The following PCDHGA5 variants were observed in gnomAD, a reference collection of about 807,000 sequenced individuals.
PCDHGA5 encodes protocadherin gamma subfamily A, 5.
In PCDHGA5, 36 loss-of-function variants were observed where a neutral mutation model predicts 56.7. The observed-to-expected ratio is 0.64, with a 90% CI of 0.49 to 0.84. The LOEUF (loss-of-function observed/expected upper bound fraction) is 0.84, where lower values mean the gene tolerates loss of function less well. Among genes scored for constraint, PCDHGA5 ranks in the 40% least tolerant of loss-of-function variants. The probability of loss-of-function intolerance (pLI) is 0.00; values close to 1 mark genes in which losing one functional copy is unlikely to be tolerated. For missense variants in PCDHGA5, 1,305 were observed against 1,201.5 expected, an observed-to-expected ratio of 1.09 and a Z score of -1.27; for synonymous variants, 563 against 520.2, an observed-to-expected ratio of 1.08 and a Z score of -1.12.
intron 1 of PCDHGA5, chr5:141,379,443 G>A (rs995348151): frequency 2.6e-5 from 4 of 152,168 alleles, no homozygotes; most frequent in African/African-American, 9.7e-5. Flanking sequence ...TTATACATAT[G>A]ATTATTTCAT....
chr5:141,373,528 A>C lies in PCDHGA5; in HGVS notation c.2421+6777A>C, dbSNP rs186719526. Among the ~76,000 whole-genome samples, 616 of 152,300 alleles carry C rather than the reference A, an allele frequency of 4.0e-3. 6 individuals are homozygous for C. The highest frequency in any genetic ancestry group is 0.011 in the Admixed American group (171 of 15,302). On this transcript the variant is annotated intron_variant, in intron 1 of 3. Transcript: ENST00000518069. ...ACAGAGCGAGACTTTGTCTCCAAAA[A>C]AGTGTTTGTGGTTGTTGGTACCCTT...
chr5:141,419,734 G>A, intron 1 of PCDHGA5: 2 of 1,613,792 alleles, frequency 1.2e-6, no homozygotes, highest in Non-Finnish European at 1.7e-6. Context: ...GAACAGGCGA[G>A]GTGCGCATGG....
rs61612330 is a variant in PCDHGA5, at chr5:141,454,796, A to ATTTTTTTTTTTTTTTTTTTTTTTTTT, written c.2422-40007_2422-39982dup. Among the ~76,000 whole-genome samples, 3 of 77,456 alleles carry ATTTTTTTTTTTTTTTTTTTTTTTTTT rather than the reference A, an allele frequency of 3.9e-5. 1 individual carries two copies. The highest frequency in any genetic ancestry group is 1.2e-4 in the African/African-American group (2 of 16,882). 50.8% of individuals were successfully genotyped at this position (77,456 alleles called of 152,430 possible). A position where few individuals can be genotyped will look rare whatever the true frequency, so the allele number is the denominator to read the frequency against. On this transcript the variant is annotated intron_variant, in intron 1 of 3. Transcript: ENST00000518069. Reference sequence around the variant, plus strand: ...AAGGAAATAATCCTCCATGGTTCTAATTTTTTTTTTTTTTTTTTTTTTTTT... The same window carrying ATTTTTTTTTTTTTTTTTTTTTTTTTT: ...AAGGAAATAATCCTCCATGGTTCTAATTTTTTTTTTTTTTTTTTTTTTTTTTTTTTTTTTTTTTTTTTTTTTTTTTT...
chr5:141,498,306 A>C (rs2099783027), intron 2 of PCDHGA5, among the ~76,000 whole-genome samples: 1 of 151,810 alleles, frequency 6.6e-6, no homozygotes, highest in African/African-American at 2.4e-5. Flanking sequence ...TCTGGGTCAC[A>C]CTGCCTACAC....
rs776227569 is a variant in PCDHGA5 at position 141,365,903 on chromosome 5, T to C, written c.1573T>C (p.Leu525=). 6.2e-7 allele frequency: 1 copy of C among 1,614,140 alleles called. No homozygotes were observed. The highest frequency in any genetic ancestry group is 8.5e-7 in the Non-Finnish European group (1 of 1,180,020). ...YALRSFDYEQ[L]RDLQLWVTAS... Reference sequence around the variant, plus strand: ...TCTGAGATCCTTCGACTATGAGCAGTTGAGAGACCTACAGTTGTGGGTGAC... The same window carrying C: ...TCTGAGATCCTTCGACTATGAGCAGCTGAGAGACCTACAGTTGTGGGTGAC... The change falls in exon 1 of 4, where the codon TTG becomes CTG. Residue 525 remains leucine, a synonymous_variant. Coordinates refer to ENST00000518069, the MANE Select transcript of PCDHGA5 (RefSeq NM_018918.3).
chr5:141,421,054 A>C, intron 1 of PCDHGA5: 2 of 571,978 alleles, frequency 3.5e-6, no homozygotes, highest in Non-Finnish European at 6.0e-6. Context: ...CGCCTCTACC[A>C]CACAAAGCGG....
intron 1 of PCDHGA5, chr5:141,421,501 G>T: frequency 6.2e-7 from 1 of 1,614,094 alleles, no homozygotes; most frequent in Non-Finnish European, 8.5e-7. Context: ...AGGCAGGATA[G>T]ACCGGGAGGA....
chr5:141,460,987 A>G (rs201722325), intron 1 of PCDHGA5, among the ~76,000 whole-genome samples: 34 of 92,988 alleles, frequency 3.7e-4, no homozygotes, highest in Middle Eastern at 5.0e-3. Flanking sequence ...GTGTGTGTAT[A>G]TATATATATG....
chr5:141,416,098 G>A (rs745507614), intron 1 of PCDHGA5: 19 of 160,674 alleles, frequency 1.2e-4, no homozygotes, highest in Non-Finnish European at 8.1e-5. Flanking sequence ...AAGGGCAATA[G>A]GCCTTTTTCA....
chr5:141,477,560 T>C lies in PCDHGA5; in HGVS notation c.2422-17247T>C, dbSNP rs2099412994. The C allele has an allele frequency of 1.2e-6, 2 of 1,614,078 alleles. No homozygotes were observed. Among genetic ancestry groups the C allele is most frequent in the South Asian group, 2.2e-5 (2 of 91,094 alleles). ...GGCTCCAATACTAAACCTAAGTGTC[T>C]GGGACCCCGACGCCCCGCAGAATGC... On this transcript the variant is annotated intron_variant, in intron 1 of 3. Transcript: ENST00000518069. This position sits in a 1 kb window ranked among gnomAD's most constrained non-coding sequence, Gnocchi z 4.9.
intron 1 of PCDHGA5, chr5:141,392,681 G>T: frequency 1.9e-6 from 2 of 1,026,496 alleles, no homozygotes; most frequent in Non-Finnish European, 2.7e-6. Flanking sequence ...CTGGACTGCA[G>T]CGAAACCCGA....
rs375619778 is a variant in PCDHGA5, at chr5:141,399,361, C to G, written c.2421+32610C>G. 11 of 1,613,960 alleles carry G rather than the reference C, an allele frequency of 6.8e-6. No homozygotes were observed. The Admixed American group carries it at 1.8e-4, about 27-fold the overall frequency. On this transcript the variant is annotated intron_variant, in intron 1 of 3. Transcript: ENST00000518069. ...TGGAACCCTAGACCGAGAGCAAACC[C>G]CGGAGTACAATGTCACCATCACAGC...
chr5:141,497,100 T>A (rs886445893), intron 2 of PCDHGA5, among the ~76,000 whole-genome samples: 2 of 151,774 alleles, frequency 1.3e-5, no homozygotes, highest in Non-Finnish European at 2.9e-5. Context: ...GAGGCAGAAC[T>A]GCTTGAACCC....
intron 1 of PCDHGA5, chr5:141,404,086 G>A: frequency 6.2e-7 from 1 of 1,613,630 alleles, no homozygotes; most frequent in Non-Finnish European, 8.5e-7. Flanking sequence ...ACTCCGGGAA[G>A]AATGGTCAAG....
chr5:141,395,716 T>C (rs2093303538), intron 1 of PCDHGA5: 1 of 154,332 alleles, frequency 6.5e-6, no homozygotes, highest in Non-Finnish European at 1.4e-5. Context: ...AACTAGGCTC[T>C]TGTAGATTTC....
At chr5:141,504,738 C>G (rs2099840693) in intron 2 of PCDHGA5, among the ~76,000 whole-genome samples, 1 of 151,874 alleles carries the variant, frequency 6.6e-6, no homozygotes, top group Non-Finnish European at 1.5e-5. Flanking sequence ...GCTTAGGAAG[C>G]CATTGAATTT....
At chr5:141,457,560 G>A (rs1466753974) in intron 1 of PCDHGA5, among the ~76,000 whole-genome samples, 1 of 152,162 alleles carries the variant, frequency 6.6e-6, no homozygotes, top group African/African-American at 2.4e-5. Flanking sequence ...ATAAGCTTTG[G>A]AGCAAAATTT....
At chr5:141,494,268 C>G (rs576129333) in intron 1 of PCDHGA5, among the ~76,000 whole-genome samples, 31 of 152,288 alleles carry the variant, frequency 2.0e-4, no homozygotes, top group African/African-American at 7.2e-4. Flanking sequence ...TTCTTGCAAG[C>G]CAAGGGCCCA....
Position 141,491,531 on chromosome 5 carries a change from T to G in PCDHGA5, c.2422-3276T>G, listed in dbSNP as rs532897059. On this transcript the variant is annotated intron_variant, in intron 1 of 3. Coordinates refer to ENST00000518069, the MANE Select transcript of PCDHGA5 (RefSeq NM_018918.3). This position sits in a 1 kb window ranked among gnomAD's most constrained non-coding sequence, Gnocchi z 6.9. ...ACGCTCAAGTACATGGAGGTGACGC[T>G]GCGGCCCACAGACTCGCAGAGCCAC... The G allele has an allele frequency of 6.2e-7, 1 of 1,614,044 alleles. No homozygotes were observed. The highest frequency in any genetic ancestry group is 1.7e-5 in the Admixed American group (1 of 60,028).
Sources: gnomAD v4.1 joint callset for allele counts (sites outside exome capture counted in the v4.1 genomes callset) on GRCh38, gnomAD v4.1.1 for gene constraint, Gnocchi (gnomAD v3.1) non-coding constraint, MANE v1.5 for transcripts, NCBI Gene and HGNC (gene_info 2026-07-23, HGNC 2026-07-21) for gene names.